ZNF765: variants seen among roughly 807,000 people sequenced by gnomAD.
ZNF765 encodes the protein zinc finger protein 765.
Under a neutral mutation model 44.7 loss-of-function variants are expected in ZNF765, and 37 were observed. That is an observed-to-expected ratio of 0.83 (90% CI 0.64 to 1.09). The LOEUF (loss-of-function observed/expected upper bound fraction) is 1.09. ZNF765 is among the 50% of genes least tolerant of loss of function. The pLI is 0.00. For missense variants in ZNF765, 594 were observed against 626.1 expected, an observed-to-expected ratio of 0.95 and a Z score of 0.55; for synonymous variants, 201 against 213.7, an observed-to-expected ratio of 0.94 and a Z score of 0.52.
chr19:53,400,267 C>T (rs994436680), intron 2 of ZNF765, among the ~76,000 whole-genome samples: 6 of 152,126 alleles, frequency 3.9e-5, no homozygotes, highest in Non-Finnish European at 7.3e-5. Context: ...TGTTAGTAAA[C>T]GTGGATAGCT....
In ZNF765 at chr19:53,409,321, C is replaced by T. The variant is rs1272761287; in HGVS notation, c.*194C>T. ...GAGTGTGGCAAGACCTTGAGTCATACGTCATCTTTTGTGTACCATCATAAA... is the reference window on the plus strand; with the variant it reads ...GAGTGTGGCAAGACCTTGAGTCATATGTCATCTTTTGTGTACCATCATAAA... On this transcript the variant is annotated 3_prime_UTR_variant, in exon 4 of 4. Coordinates refer to ENST00000396408, the MANE Select transcript of ZNF765 (RefSeq NM_001040185.3). The T allele has an allele frequency of 8.1e-6, 7 of 867,396 alleles. No individual in the cohort carries two copies. The highest frequency in any genetic ancestry group is 1.8e-5 in the Admixed American group (1 of 55,374). 53.7% of individuals were successfully genotyped at this position (867,396 alleles called of 1,614,324 possible). A position where few individuals can be genotyped will look rare whatever the true frequency, so the allele number is the denominator to read the frequency against.
chr19:53,418,598 A>G (rs1157687166), intron 3 of ZNF765, among the ~76,000 whole-genome samples: 1 of 152,142 alleles, frequency 6.6e-6, no homozygotes, highest in Non-Finnish European at 1.5e-5. Flanking sequence ...AAGGAGGTAT[A>G]TAAGAAGTCC....
intron 1 of ZNF765, among the ~76,000 whole-genome samples, chr19:53,396,841 G>T (rs1168125480): frequency 1.3e-5 from 2 of 152,196 alleles, no homozygotes; most frequent in African/African-American, 2.4e-5. Flanking sequence ...TTAATAGAAA[G>T]CACCACTATT....
chr19:53,414,477 ACACACACACACACCCCCCCCCCC>A (rs1568786025), downstream of ZNF765, among the ~76,000 whole-genome samples: 12 of 10,528 alleles, frequency 1.1e-3, 3 homozygotes, highest in Admixed American at 3.3e-3. Flanking sequence ...ACACACACAC[ACACACACACACACCCCCCCCCCC>A]CCCCCCCCCG....
chr19:53,398,004 A>G lies in ZNF765; in HGVS notation c.-12A>G, dbSNP rs779874024. ...AACCTGGAAGAGGAAGAGGAAAGCA[A>G]AGGAGTCAGGGATGGCTCTTCCTCA... On this transcript the variant is annotated 5_prime_UTR_variant, in exon 2 of 4. Coordinates refer to ENST00000396408, the MANE Select transcript of ZNF765 (RefSeq NM_001040185.3). 5.6e-6 allele frequency: 9 copies of G among 1,613,420 alleles called. No homozygotes were observed. In the South Asian group the frequency reaches 7.7e-5, roughly 14 times the overall value.
At chr19:53,399,901 GC>G (rs1193803240) in intron 2 of ZNF765, among the ~76,000 whole-genome samples, 1 of 151,986 alleles carries the variant, frequency 6.6e-6, no homozygotes, top group Non-Finnish European at 1.5e-5. Flanking sequence ...TGCAACCTCT[GC>G]CTCCCGGGTT....
chr19:53,422,014 C>G (rs2085910520), intron 3 of ZNF765, among the ~76,000 whole-genome samples: 1 of 152,108 alleles, frequency 6.6e-6, no homozygotes, highest in African/African-American at 2.4e-5. Context: ...AGTCATGAGG[C>G]AGATTCCTGT....
intron 3 of ZNF765, among the ~76,000 whole-genome samples, chr19:53,421,184 C>G (rs2085904853): frequency 6.6e-6 from 1 of 152,190 alleles, no homozygotes; most frequent in South Asian, 2.1e-4. Context: ...AAGCACAGCA[C>G]CTTTCCTTAA....
chr19:53,413,318 T>G (rs1260217109), downstream of ZNF765: 1 of 585,962 alleles, frequency 1.7e-6, no homozygotes, highest in African/African-American at 1.9e-5. Flanking sequence ...AAAGGAGACA[T>G]TGGAGAAGAA....
rs73935586 is a variant in ZNF765, at chr19:53,419,004, A to G, written c.143-4058A>G. On this transcript the variant is annotated intron_variant, in intron 3 of 3. Coordinates refer to the ZNF765 transcript ENST00000594030. ...AACTAGTTTAATGTCAAAGCCACAC[A>G]GGAAGGAGGAATAATTCCTGAGGCA... is the stretch of plus-strand genomic sequence containing the variant. 1.9e-3 allele frequency among the ~76,000 whole-genome samples: 287 copies of G among 151,982 alleles called. 1 individual carries two copies. The highest frequency in any genetic ancestry group is 6.2e-3 in the African/African-American group (257 of 41,476).
At chr19:53,413,003 G>A (rs2085844961), downstream of ZNF765, among the ~76,000 whole-genome samples, 1 of 152,098 alleles carries the variant, frequency 6.6e-6, no homozygotes, top group Non-Finnish European at 1.5e-5. Context: ...CCAGTTACTG[G>A]GAAGGCTGAA....
chr19:53,414,859 ACT>A (rs1323981028), downstream of ZNF765, among the ~76,000 whole-genome samples: 2 of 151,976 alleles, frequency 1.3e-5, no homozygotes, highest in African/African-American at 4.8e-5. Context: ...AGATGGACAC[ACT>A]CAGCTCTGTC....
chr19:53,415,594 G>A (rs752269447), downstream of ZNF765, among the ~76,000 whole-genome samples: 19 of 152,142 alleles, frequency 1.2e-4, no homozygotes, highest in Non-Finnish European at 2.4e-4. Context: ...AATTACCACA[G>A]TATAGCCAGC....
intron 3 of ZNF765, among the ~76,000 whole-genome samples, chr19:53,404,262 C>A (rs540877152): frequency 5.3e-5 from 8 of 151,544 alleles, no homozygotes; most frequent in African/African-American, 1.9e-4. Context: ...TTTTAGTAGA[C>A]ACAGGCTTTC....
Position 53,410,022 on chromosome 19 carries a change from A to G in ZNF765, c.*895A>G. ...TACAAGTGTGATAAATGCAGAATAA[A>G]TGCAGAAAATTTTTCAGACATCCTT... is the stretch of plus-strand genomic sequence containing the variant. On this transcript the variant is annotated 3_prime_UTR_variant, in exon 4 of 4. Transcript: ENST00000396408. 1 of 500,004 alleles carries G rather than the reference A, an allele frequency of 2.0e-6. No individual in the cohort carries two copies. Among genetic ancestry groups the G allele is most frequent in the Non-Finnish European group, 4.0e-6 (1 of 249,160 alleles). The allele number at this position is 500,004 out of a possible 1,614,324, so 31.0% of individuals were successfully genotyped here.
chr19:53,402,520 A>G (rs1268695893), intron 3 of ZNF765, among the ~76,000 whole-genome samples: 1 of 152,028 alleles, frequency 6.6e-6, no homozygotes, highest in Non-Finnish European at 1.5e-5. Context: ...TCGGCCTCCC[A>G]AAGTGCTGGG....
At chr19:53,419,729 A>G (rs1411946181) in intron 3 of ZNF765, among the ~76,000 whole-genome samples, 1 of 152,184 alleles carries the variant, frequency 6.6e-6, no homozygotes, top group Non-Finnish European at 1.5e-5. Context: ...TTAAAAATAA[A>G]TAAATGTGGC....
Position 53,407,879 on chromosome 19 carries a change from C to A in ZNF765, c.324C>A (p.Gly108=). The A allele has an allele frequency of 6.2e-7, 1 of 1,613,576 alleles. No homozygotes were observed. The highest frequency in any genetic ancestry group is 8.5e-7 in the Non-Finnish European group (1 of 1,179,796). The stretch of plus-strand genomic sequence containing the variant: ...AGTGGCAAGAAGATGAAAGAAATGG[C>A]CATGAAGCACTCATGACAAAAATCA... ...EFQWQEDERN[G]HEALMTKIKK... The change falls in exon 4 of 4, where the codon GGC becomes GGA. Residue 108 remains glycine, a synonymous_variant. Transcript: ENST00000396408.
chr19:53,410,882 C>G lies in ZNF765; in HGVS notation c.*1755C>G, dbSNP rs2085827447. 3 of 466,082 alleles carry G rather than the reference C, an allele frequency of 6.4e-6. No homozygotes were observed. The highest frequency in any genetic ancestry group is 1.3e-5 in the Non-Finnish European group (3 of 227,114). The allele number at this position is 466,082 out of a possible 1,614,324, so 28.9% of individuals were successfully genotyped here. On this transcript the variant is annotated 3_prime_UTR_variant, in exon 4 of 4. Coordinates refer to ENST00000396408, the MANE Select transcript of ZNF765 (RefSeq NM_001040185.3). ...GCAAAGCCTTTAATTCACATTCACA[C>G]CTCACTAGACATCAGAGAATGCATA...
Sources: allele counts gnomAD v4.1 joint callset (sites outside exome capture counted in the v4.1 genomes callset), GRCh38; gene constraint gnomAD v4.1.1; transcripts MANE v1.5; gene names NCBI Gene and HGNC (gene_info 2026-07-23, HGNC 2026-07-21).